Variants in BEST4 observed in about 807,000 individuals in gnomAD.
The protein encoded by BEST4 is bestrophin-4.
BEST4 carries 36 observed loss-of-function variants against 47.1 expected under a neutral mutation model. The observed-to-expected ratio is 0.76, with a 90% CI of 0.59 to 1.01. The LOEUF (loss-of-function observed/expected upper bound fraction) is 1.01. Among genes scored for constraint, BEST4 ranks in the 50% least tolerant of loss-of-function variants. The pLI is 0.00. For missense variants in BEST4, 550 were observed against 648.6 expected, an observed-to-expected ratio of 0.85 and a Z score of 1.65; for synonymous variants, 250 against 277.8, an observed-to-expected ratio of 0.90 and a Z score of 1.00.
At chr1:44,790,192 G>C (rs1479570559), upstream of BEST4, among the ~76,000 whole-genome samples, 1 of 152,102 alleles carries the variant, frequency 6.6e-6, no homozygotes, top group African/African-American at 2.4e-5. Context: ...TGCCTACCAA[G>C]CCTTCCAAGC....
upstream of BEST4, among the ~76,000 whole-genome samples, chr1:44,791,711 C>A (rs576798024): frequency 6.6e-6 from 1 of 152,152 alleles, no homozygotes; most frequent in South Asian, 2.1e-4. Flanking sequence ...GAGAGGGAAC[C>A]ACTCAGCCCA....
At chr1:44,791,535 C>T (rs894759335), upstream of BEST4, among the ~76,000 whole-genome samples, 5 of 151,958 alleles carry the variant, frequency 3.3e-5, no homozygotes, top group African/African-American at 1.2e-4. Flanking sequence ...TCTGCTTGTT[C>T]CCAGCCCTGT....
upstream of BEST4, among the ~76,000 whole-genome samples, chr1:44,792,207 A>C (rs1651430238): frequency 6.6e-6 from 1 of 152,132 alleles, no homozygotes; most frequent in South Asian, 2.1e-4. Flanking sequence ...ATGCCATTGC[A>C]CTTGAGGTCA....
intron 2 of BEST4, among the ~76,000 whole-genome samples, chr1:44,787,135 G>A: frequency 7.0e-6 from 1 of 142,124 alleles, no homozygotes; most frequent in Non-Finnish European, 1.5e-5. Context: ...CCACCGTGTT[G>A]AGTAATTCTT....
rs1480182773 is a variant in BEST4 at position 44,784,193 on chromosome 1, C to T, written c.*17G>A. Reference sequence around the variant, plus strand: ...AGGGCAGTGGGTGGGGGAAACCGGGCGGGGGCAGGCGAGACCTCAGGGCTC... The same window carrying T: ...AGGGCAGTGGGTGGGGGAAACCGGGTGGGGGCAGGCGAGACCTCAGGGCTC... On this transcript the variant is annotated 3_prime_UTR_variant, in exon 9 of 9. Coordinates refer to ENST00000372207, the MANE Select transcript of BEST4 (RefSeq NM_153274.3). This position sits in a 1 kb window ranked among gnomAD's most constrained non-coding sequence, Gnocchi z 6.2. 2 of 1,385,942 alleles carry T rather than the reference C, an allele frequency of 1.4e-6. No individual in the cohort carries two copies. The highest frequency in any genetic ancestry group is 1.5e-5 in the African/African-American group (1 of 65,364). The allele number at this position is 1,385,942 out of a possible 1,614,324, so 85.9% of individuals were successfully genotyped here.
intron 2 of BEST4, among the ~76,000 whole-genome samples, chr1:44,787,030 C>T (rs890421643): frequency 5.9e-5 from 9 of 152,198 alleles, no homozygotes; most frequent in Non-Finnish European, 1.0e-4. Flanking sequence ...AGTGAGGGTC[C>T]GGCAAGTGAT....
rs577052104 is a variant in BEST4 at position 44,784,385 on chromosome 1, A to C, written c.1247T>G (p.Leu416Arg). ...GGCCGGGGAGGGCGCCCCTACGCCC[A>C]GGAAGCGGCCGAGCAACGGGGTCTG... Reference protein sequence around the residue: ...AAQTPLLGRFLGVGAPSPAIS... With the variant: ...AAQTPLLGRFRGVGAPSPAIS... The change falls in exon 9 of 9, where the codon CTG becomes CGG. Residue 416 changes from leucine to arginine, a missense_variant. Leu to Arg is a moderately radical substitution (Grantham distance 102). Transcript: ENST00000372207. This position sits in a 1 kb window ranked among gnomAD's most constrained non-coding sequence, Gnocchi z 6.2. 1 of 1,400,740 alleles carries C rather than the reference A, an allele frequency of 7.1e-7. No homozygotes were observed. Among genetic ancestry groups the C allele is most frequent in the East Asian group, 3.0e-5 (1 of 33,562 alleles). 86.8% of individuals were successfully genotyped at this position (1,400,740 alleles called of 1,614,324 possible). A position where few individuals can be genotyped will look rare whatever the true frequency, so the allele number is the denominator to read the frequency against.
In BEST4 at chr1:44,784,988, A is replaced by G. The variant is rs1409386017; in HGVS notation, c.913-3T>C. ...GGGTTGATGATCTGTTCAGCCACCT[A>G]TAGGTGGCAGAGACAGGGTTTTCTG... On this transcript the variant is annotated splice_polypyrimidine_tract_variant and splice_region_variant and intron_variant, in intron 6 of 8. Transcript: ENST00000372207. The surrounding 1 kb of genome is among the most constrained non-coding windows in gnomAD (Gnocchi z 6.2). 1.2e-6 allele frequency: 2 copies of G among 1,614,002 alleles called. No individual in the cohort carries two copies. The highest frequency in any genetic ancestry group is 4.5e-5 in the East Asian group (2 of 44,878).
rs1256872498 is a variant in BEST4 at position 44,784,872 on chromosome 1, T to G, written c.993+33A>C. On this transcript the variant is annotated intron_variant, in intron 7 of 8. Transcript: ENST00000372207. This position sits in a 1 kb window ranked among gnomAD's most constrained non-coding sequence, Gnocchi z 6.2. ...TGACCGGGAGAGGGGGCCCAGGAGC[T>G]GCCCTGGACTCCTGATCCTGATGCT... 3.7e-6 allele frequency: 6 copies of G among 1,612,552 alleles called. No individual in the cohort carries two copies. The Admixed American group carries it at 1.0e-4, about 27-fold the overall frequency.
downstream of BEST4, among the ~76,000 whole-genome samples, chr1:44,782,135 T>C (rs574622515): frequency 2.3e-4 from 35 of 151,004 alleles, no homozygotes; most frequent in African/African-American, 8.0e-4. Context: ...ATAAAACCAG[T>C]GGGTTCTTTC....
At chr1:44,788,412 T>C (rs1651322005), upstream of BEST4, among the ~76,000 whole-genome samples, 1 of 152,192 alleles carries the variant, frequency 6.6e-6, no homozygotes, top group African/African-American at 2.4e-5. Flanking sequence ...ACAGGGGTTA[T>C]TGTCCCACGT....
Position 44,784,673 on chromosome 1 carries a change from G to A in BEST4, c.1104C>T (p.Ala368=). 1.2e-6 allele frequency: 2 copies of A among 1,613,046 alleles called. No individual in the cohort carries two copies. The highest frequency in any genetic ancestry group is 1.1e-5 in the South Asian group (1 of 90,994). Residue 368 remains alanine (A), a synonymous_variant, in exon 8 of 9, where the codon GCC becomes GCT. Coordinates refer to ENST00000372207, the MANE Select transcript of BEST4 (RefSeq NM_153274.3). The surrounding 1 kb of genome is among the most constrained non-coding windows in gnomAD (Gnocchi z 6.2). ...CCAGGAATGAGGGCCGCAGAGACTCGGCCGCCGTGGCCACAGTGTAGGGTG... is the reference window on the plus strand; with the variant it reads ...CCAGGAATGAGGGCCGCAGAGACTCAGCCGCCGTGGCCACAGTGTAGGGTG... ...PQPPYTVATA[A]ESLRPSFLGS...
chr1:44,790,692 C>G (rs568163303), upstream of BEST4, among the ~76,000 whole-genome samples: 4 of 152,236 alleles, frequency 2.6e-5, no homozygotes, highest in South Asian at 8.3e-4. Context: ...GGGAGGATCA[C>G]TTAAGCCCAG....
downstream of BEST4, among the ~76,000 whole-genome samples, chr1:44,781,935 G>A (rs1332161360): frequency 2.0e-5 from 3 of 152,200 alleles, no homozygotes; most frequent in Non-Finnish European, 4.4e-5. Context: ...GCCGAGGCAG[G>A]TGGATCACTT....
In BEST4 at chr1:44,784,502, G is replaced by GCCC; in HGVS notation, c.1149-20_1149-19insGGG. 3 of 399,794 alleles carry GCCC rather than the reference G, an allele frequency of 7.5e-6. No individual in the cohort carries two copies. Among genetic ancestry groups the GCCC allele is most frequent in the Non-Finnish European group, 1.4e-5 (3 of 210,196 alleles). The allele number at this position is 399,794 out of a possible 1,614,324, so 24.8% of individuals were successfully genotyped here. On this transcript the variant is annotated intron_variant, in intron 8 of 8. Coordinates refer to ENST00000372207, the MANE Select transcript of BEST4 (RefSeq NM_153274.3). This position sits in a 1 kb window ranked among gnomAD's most constrained non-coding sequence, Gnocchi z 6.2. ...GCTCATGCTGCGGGCGGGAGGGCGG[G>GCCC]CTGAGCCGGGGCACAGGGCGGGAGC...
chr1:44,791,448 T>G (rs550733758), upstream of BEST4, among the ~76,000 whole-genome samples: 9 of 152,154 alleles, frequency 5.9e-5, no homozygotes, highest in South Asian at 1.9e-3. Flanking sequence ...CGTGTCTCCC[T>G]GACAGCTCTA....
At chr1:44,790,659 C>T (rs1407646854), upstream of BEST4, among the ~76,000 whole-genome samples, 1 of 152,136 alleles carries the variant, frequency 6.6e-6, no homozygotes, top group Non-Finnish European at 1.5e-5. Context: ...GCCTGTAATC[C>T]TGACACTTTG....
At position 44,786,802 on chromosome 1, in the gene BEST4, C is replaced by A. The variant is rs1651257311; in HGVS notation, c.248-106G>T. ...AGGGCCTGGTCCAGGCCAGTTGAAT[C>A]GTGGCAGGGGGAAGGAAACATTCAG... On this transcript the variant is annotated intron_variant, in intron 2 of 8. Coordinates refer to ENST00000372207, the MANE Select transcript of BEST4 (RefSeq NM_153274.3). This position sits in a 1 kb window ranked among gnomAD's most constrained non-coding sequence, Gnocchi z 4.9. 1.2e-6 allele frequency: 1 copy of A among 848,980 alleles called. No homozygotes were observed. Among genetic ancestry groups the A allele is most frequent in the Admixed American group, 2.6e-5 (1 of 39,080 alleles). 52.6% of individuals were successfully genotyped at this position (848,980 alleles called of 1,614,324 possible).
At chr1:44,783,294 C>T (rs758982437), downstream of BEST4, among the ~76,000 whole-genome samples, 4 of 152,186 alleles carry the variant, frequency 2.6e-5, no homozygotes, top group Non-Finnish European at 5.9e-5. Context: ...GTGCCCCCAG[C>T]GCTGCAGGCC....
Sources: allele counts gnomAD v4.1 joint callset (sites outside exome capture counted in the v4.1 genomes callset), GRCh38; gene constraint gnomAD v4.1.1; non-coding constraint Gnocchi (gnomAD v3.1); transcripts MANE v1.5; gene names NCBI Gene and HGNC (gene_info 2026-07-23, HGNC 2026-07-21).